Variants in AUTS2 observed in about 807,000 individuals in gnomAD.
AUTS2 encodes autism susceptibility gene 2 protein.
In AUTS2, 17 loss-of-function variants were observed where a neutral mutation model predicts 112.4. The ratio of observed to expected loss-of-function variants is 0.15; its 90% CI spans 0.10 to 0.23. AUTS2 has a LOEUF of 0.23. Ranked by LOEUF, AUTS2 falls within the 10% of genes least tolerant of loss-of-function variation. The probability of loss-of-function intolerance (pLI) is 1.00; values close to 1 mark genes in which losing one functional copy is unlikely to be tolerated. For synonymous variants in AUTS2, 751 were observed against 702.7 expected, an observed-to-expected ratio of 1.07 and a Z score of -1.09; for missense variants, 1,510 against 1,701.6, an observed-to-expected ratio of 0.89 and a Z score of 1.98.
intron 1 of AUTS2, among the ~76,000 whole-genome samples, chr7:69,851,964 C>T (rs1792503769): frequency 1.3e-5 from 2 of 151,970 alleles, no homozygotes; most frequent in South Asian, 2.1e-4. Context: ...TCTGATATAC[C>T]TTTTCCTTTT....
At chr7:70,500,803 C>T (rs948782578) in intron 5 of AUTS2, among the ~76,000 whole-genome samples, 1 of 151,826 alleles carries the variant, frequency 6.6e-6, no homozygotes, top group Non-Finnish European at 1.5e-5. Flanking sequence ...CTCACTGCAA[C>T]TTCAGCCTCC....
chr7:70,691,079 G>A (rs765638878), intron 5 of AUTS2, among the ~76,000 whole-genome samples: 1 of 152,046 alleles, frequency 6.6e-6, no homozygotes, highest in Non-Finnish European at 1.5e-5. Flanking sequence ...GAGGAAGAAG[G>A]CTCCATATTT....
At chr7:69,998,595 A>G (rs1318006305) in intron 2 of AUTS2, among the ~76,000 whole-genome samples, 3 of 152,216 alleles carry the variant, frequency 2.0e-5, no homozygotes, top group African/African-American at 4.8e-5. Flanking sequence ...TGTTTAGTAA[A>G]TATTTATTGA....
chr7:69,683,311 A>C (rs1001529805), intron 1 of AUTS2, among the ~76,000 whole-genome samples: 2 of 152,230 alleles, frequency 1.3e-5, no homozygotes, highest in Non-Finnish European at 2.9e-5. Flanking sequence ...CGTGGCAACA[A>C]AAAGTGGCAG....
chr7:69,617,681 C>G (rs1793452871), intron 1 of AUTS2, among the ~76,000 whole-genome samples: 1 of 152,186 alleles, frequency 6.6e-6, no homozygotes, highest in African/African-American at 2.4e-5. Context: ...GATGTATAAA[C>G]AAGAGCACAT....
At chr7:70,591,725 C>T (rs1394704441) in intron 5 of AUTS2, among the ~76,000 whole-genome samples, 2 of 152,128 alleles carry the variant, frequency 1.3e-5, no homozygotes. Context: ...ATGCTCCATG[C>T]GTTTGTTTAT....
intron 1 of AUTS2, among the ~76,000 whole-genome samples, chr7:69,881,286 C>T (rs1265321036): frequency 2.0e-5 from 3 of 152,038 alleles, no homozygotes; most frequent in Admixed American, 1.3e-4. Context: ...TCCTTTTTCC[C>T]CGTCTTTCCC....
intron 1 of AUTS2, among the ~76,000 whole-genome samples, chr7:69,703,316 C>G (rs1797905665): frequency 6.6e-6 from 1 of 152,100 alleles, no homozygotes; most frequent in Non-Finnish European, 1.5e-5. Context: ...CTTTATTGGC[C>G]TGATAAGTAG....
rs574394436 is a variant in AUTS2 at position 70,221,597 on chromosome 7, A to G, written c.660+87026A>G. ...TCTAGAATTTCAGAGAAATGGAATCATACAGAACCTATCATTCGGTGACTC... is the reference window on the plus strand; with the variant it reads ...TCTAGAATTTCAGAGAAATGGAATCGTACAGAACCTATCATTCGGTGACTC... On this transcript the variant is annotated intron_variant, in intron 4 of 18. Transcript: ENST00000342771. Among the ~76,000 whole-genome samples the G allele has an allele frequency of 1.6e-4, 25 of 152,322 alleles. 1 individual carries two copies. In the East Asian group the frequency reaches 4.8e-3, roughly 29 times the overall value.
At chr7:70,309,641 A>G (rs1216154737) in intron 4 of AUTS2, among the ~76,000 whole-genome samples, 3 of 152,206 alleles carry the variant, frequency 2.0e-5, no homozygotes, top group Non-Finnish European at 4.4e-5. Context: ...TCATTATTCT[A>G]TTGTATAGTA....
At chr7:69,659,957 G>C (rs1216954149) in intron 1 of AUTS2, among the ~76,000 whole-genome samples, 2 of 152,092 alleles carry the variant, frequency 1.3e-5, no homozygotes, top group Admixed American at 1.3e-4. Flanking sequence ...TCAATATCTA[G>C]TTGATTTTGC....
chr7:70,439,352 A>G (rs1160298031), intron 5 of AUTS2, among the ~76,000 whole-genome samples: 1 of 152,074 alleles, frequency 6.6e-6, no homozygotes, highest in African/African-American at 2.4e-5. Context: ...AGCCTGACCA[A>G]CATAGTGAAA....
chr7:70,197,353 T>C (rs1053303717), intron 4 of AUTS2, among the ~76,000 whole-genome samples: 3 of 151,682 alleles, frequency 2.0e-5, no homozygotes, highest in African/African-American at 7.3e-5. Flanking sequence ...GATGGCCGAA[T>C]AGGAACAGCT....
intron 6 of AUTS2, among the ~76,000 whole-genome samples, chr7:70,758,096 T>A (rs1789338308): frequency 6.6e-6 from 1 of 152,144 alleles, no homozygotes; most frequent in Non-Finnish European, 1.5e-5. Flanking sequence ...GGCTTCTTTG[T>A]ACGTAAAATA....
intron 6 of AUTS2, among the ~76,000 whole-genome samples, chr7:70,710,660 G>C (rs1228766658): frequency 1.3e-5 from 2 of 152,228 alleles, no homozygotes. Context: ...TGGATTTAAG[G>C]AGGGAGAGGC....
At chr7:69,982,541 A>G (rs1798339527) in intron 2 of AUTS2, among the ~76,000 whole-genome samples, 1 of 152,210 alleles carries the variant, frequency 6.6e-6, no homozygotes, top group Admixed American at 6.5e-5. Context: ...TCTTAGAGAA[A>G]AATAAAGGCA....
intron 2 of AUTS2, among the ~76,000 whole-genome samples, chr7:70,095,780 C>T (rs1368316838): frequency 3.3e-5 from 5 of 152,072 alleles, no homozygotes; most frequent in Non-Finnish European, 7.4e-5. Flanking sequence ...AGAAAAGCGT[C>T]TTGCCTAATT....
chr7:69,671,606 G>T (rs1243746642), intron 1 of AUTS2, among the ~76,000 whole-genome samples: 1 of 151,836 alleles, frequency 6.6e-6, no homozygotes, highest in Admixed American at 6.6e-5. Context: ...GTATCTAAGT[G>T]TGAAAGTTTG....
At chr7:69,935,541 A>G (rs1017533355) in intron 2 of AUTS2, among the ~76,000 whole-genome samples, 2 of 152,160 alleles carry the variant, frequency 1.3e-5, no homozygotes, top group East Asian at 1.9e-4. Context: ...AGATGTGACC[A>G]TTAGTTCAGA....
Sources: allele counts gnomAD v4.1 joint callset (sites outside exome capture counted in the v4.1 genomes callset), GRCh38; gene constraint gnomAD v4.1.1; transcripts MANE v1.5; gene names NCBI Gene and HGNC (gene_info 2026-07-23, HGNC 2026-07-21).